TUSC2: variants seen among roughly 807,000 people sequenced by gnomAD.
TUSC2 encodes the protein tumor suppressor candidate 2.
In TUSC2, 7 loss-of-function variants were observed where a neutral mutation model predicts 11.5. The ratio of observed to expected loss-of-function variants is 0.61; its 90% CI spans 0.35 to 1.14. TUSC2 has a LOEUF of 1.14. Among genes scored for constraint, TUSC2 ranks in the 50% most tolerant of loss-of-function variants. TUSC2 has a pLI of 0.03. For missense variants in TUSC2, 132 were observed against 155.0 expected, an observed-to-expected ratio of 0.85 and a Z score of 0.79; for synonymous variants, 61 against 64.1, an observed-to-expected ratio of 0.95 and a Z score of 0.23.
chr3:50,327,929 G>T, intron 1 of TUSC2, 25 bp downstream of exon 1: 1 of 1,442,384 alleles, frequency 6.9e-7, no homozygotes, highest in East Asian at 2.8e-5. Flanking sequence ...TGTTCCCCCC[G>T]CCAGGGTGGA....
Position 50,326,127 on chromosome 3 carries a change from C to A in TUSC2, c.327G>T (p.Glu109Asp). ...TGTCTGCCACCTCCCAGGGTCACAC[C>A]TCATAGAGGATCACAGGGAAATCCA... The part of the protein sequence containing the change: ...IHVDFPVILY[E>D]V Residue 109 changes from glutamate to aspartate, a missense_variant, in exon 3 of 3, where the codon GAG becomes GAT. By Grantham distance (45) the Glu-to-Asp change is conservative. Transcript: ENST00000232496. 1 of 1,587,932 alleles carries A rather than the reference C, an allele frequency of 6.3e-7. No homozygotes were observed. Among genetic ancestry groups the A allele is most frequent in the Non-Finnish European group, 8.6e-7 (1 of 1,167,166 alleles).
At position 50,328,108 on chromosome 3, in the gene TUSC2, C is replaced by T; in HGVS notation, c.-9G>A. On this transcript the variant is annotated 5_prime_UTR_variant, in exon 1 of 3. Transcript: ENST00000232496. ...GACCCGCTGGCGCCCATGTCAGGGC[C>T]GCCGGCGCATGGCGGGCCCCGTGGC... The T allele has an allele frequency of 7.3e-7, 1 of 1,371,610 alleles. No homozygotes were observed. Among genetic ancestry groups the T allele is most frequent in the Non-Finnish European group, 9.4e-7 (1 of 1,062,692 alleles). 85.0% of individuals were successfully genotyped at this position (1,371,610 alleles called of 1,614,324 possible).
chr3:50,326,937 C>T, intron 1 of TUSC2: 1 of 330,510 alleles, frequency 3.0e-6, no homozygotes, highest in South Asian at 2.4e-5. Flanking sequence ...AATCCTTTGC[C>T]TGGGGTTTGG....
At position 50,325,439 on chromosome 3, in the gene TUSC2, G is replaced by GT. The variant is rs1296421776; in HGVS notation, c.*681_*682insA. 6.6e-6 allele frequency: 1 copy of GT among 152,476 alleles called. No homozygotes were observed. Among genetic ancestry groups the GT allele is most frequent in the Non-Finnish European group, 1.5e-5 (1 of 68,288 alleles). 9.4% of individuals were successfully genotyped at this position (152,476 alleles called of 1,614,324 possible). A position where few individuals can be genotyped will look rare whatever the true frequency, so the allele number is the denominator to read the frequency against. ...ACTCCTCAACTGGGGGTTCGGGGTTGGGGGGCAACAGTTAGTTGCAGTAGG... is the reference window on the plus strand; with the variant it reads ...ACTCCTCAACTGGGGGTTCGGGGTTGTGGGGGCAACAGTTAGTTGCAGTAGG... On this transcript the variant is annotated 3_prime_UTR_variant, in exon 3 of 3. Coordinates refer to ENST00000232496, the MANE Select transcript of TUSC2 (RefSeq NM_007275.3). This position sits in a 1 kb window ranked among gnomAD's most constrained non-coding sequence, Gnocchi z 5.1.
rs1211694283 is a variant in TUSC2, at chr3:50,325,885, G to A, written c.*236C>T. ...GCTTGCAGGGGTGGCTTGGGAGAGTGGGGTGCTAACTCTGCCATTAGCCTT... is the reference window on the plus strand; with the variant it reads ...GCTTGCAGGGGTGGCTTGGGAGAGTAGGGTGCTAACTCTGCCATTAGCCTT... On this transcript the variant is annotated 3_prime_UTR_variant, in exon 3 of 3. Transcript: ENST00000232496. This position sits in a 1 kb window ranked among gnomAD's most constrained non-coding sequence, Gnocchi z 5.1. The A allele has an allele frequency of 6.9e-6, 4 of 581,212 alleles. No individual in the cohort carries two copies. Among genetic ancestry groups the A allele is most frequent in the Non-Finnish European group, 1.2e-5 (4 of 323,346 alleles). 36.0% of individuals were successfully genotyped at this position (581,212 alleles called of 1,614,324 possible). A position where few individuals can be genotyped will look rare whatever the true frequency, so the allele number is the denominator to read the frequency against.
chr3:50,327,363 C>A, intron 1 of TUSC2: 1 of 401,392 alleles, frequency 2.5e-6, no homozygotes. Context: ...TCCAGGAGCC[C>A]ACTAGAGCCA....
rs1702782499 is a variant in TUSC2, at chr3:50,326,004, C to A, written c.*117G>T. The stretch of plus-strand genomic sequence containing the variant: ...CTCACAGCTGAAGGTTATGGGCCAA[C>A]AGAGTTTATTCAGGGTTGTGGCCCC... On this transcript the variant is annotated 3_prime_UTR_variant, in exon 3 of 3. Coordinates refer to ENST00000232496, the MANE Select transcript of TUSC2 (RefSeq NM_007275.3). The A allele has an allele frequency of 7.8e-7, 1 of 1,286,598 alleles. No homozygotes were observed. Among genetic ancestry groups the A allele is most frequent in the Non-Finnish European group, 1.1e-6 (1 of 916,312 alleles). 79.7% of individuals were successfully genotyped at this position (1,286,598 alleles called of 1,614,324 possible). A position where few individuals can be genotyped will look rare whatever the true frequency, so the allele number is the denominator to read the frequency against.
At chr3:50,326,620 TA>T (rs35159350) in intron 1 of TUSC2, 143 bp from the exon 2 acceptor site, 15 of 1,301,960 alleles carry the variant, frequency 1.2e-5, no homozygotes, top group South Asian at 1.5e-5. Flanking sequence ...ATCCTTTTTT[TA>T]AAAAAAATTT....
Position 50,328,179 on chromosome 3 carries a change from C to A in TUSC2, c.-80G>T. 7.8e-7 allele frequency: 1 copy of A among 1,287,818 alleles called. No individual in the cohort carries two copies. The highest frequency in any genetic ancestry group is 2.2e-5 in the South Asian group (1 of 44,552). 79.8% of individuals were successfully genotyped at this position (1,287,818 alleles called of 1,614,324 possible). On this transcript the variant is annotated 5_prime_UTR_variant, in exon 1 of 3. Coordinates refer to ENST00000232496, the MANE Select transcript of TUSC2 (RefSeq NM_007275.3). ...CCGCACTACCATAACCTGCCCCAGC[C>A]GCTGATCGCAGGTGCCGCCGCCGCC...
At chr3:50,326,250 T>A in intron 2 of TUSC2, 64 bp from the exon 3 acceptor site, 2 of 1,611,536 alleles carry the variant, frequency 1.2e-6, no homozygotes, top group Non-Finnish European at 1.7e-6. Flanking sequence ...AGCTTCCTTG[T>A]TCCTCCCAGA....
In TUSC2 at chr3:50,328,039, C is replaced by A; in HGVS notation, c.61G>T (p.Gly21Cys). ...LWPFASAAGG[G>C]GSEAAGAEQA... Reference sequence around the variant, plus strand: ...TCAGCTCCTGCTGCCTCTGAGCCGCCGCCTCCGGCCGCCGAGGCGAAGGGC... The same window carrying A: ...TCAGCTCCTGCTGCCTCTGAGCCGCAGCCTCCGGCCGCCGAGGCGAAGGGC... The change falls in exon 1 of 3, where the codon GGC becomes TGC. Residue 21 changes from glycine (G) to cysteine (C), a missense_variant. This residue lies in a region of TUSC2 where 17 missense variants were observed against 33.1 expected (regional missense o/e 0.51). Coordinates refer to ENST00000232496, the MANE Select transcript of TUSC2 (RefSeq NM_007275.3). 1 of 1,496,994 alleles carries A rather than the reference C, an allele frequency of 6.7e-7. No homozygotes were observed. 92.7% of individuals were successfully genotyped at this position (1,496,994 alleles called of 1,614,324 possible).
At chr3:50,326,897 C>T (rs1702795707) in intron 1 of TUSC2, 1 of 329,450 alleles carries the variant, frequency 3.0e-6, no homozygotes, top group Non-Finnish European at 6.0e-6. Context: ...GGATTACAGG[C>T]GTGAGCCACG....
In TUSC2 at chr3:50,328,219, C is replaced by G. The variant is rs587685691; in HGVS notation, c.-120G>C. ...CCGCCGCCGCCGCCTTCCGCAGGCT[C>G]GGCTGTCTCCACGGAAACCTCACTT... is the stretch of plus-strand genomic sequence containing the variant. On this transcript the variant is annotated 5_prime_UTR_variant, in exon 1 of 3. Transcript: ENST00000232496. The G allele has an allele frequency of 1.1e-4, 133 of 1,197,518 alleles. No homozygotes were observed. In the African/African-American group the frequency reaches 2.0e-3, roughly 18 times the overall value. The allele number at this position is 1,197,518 out of a possible 1,614,324, so 74.2% of individuals were successfully genotyped here.
chr3:50,327,244 A>C, intron 1 of TUSC2: 1 of 456,688 alleles, frequency 2.2e-6, no homozygotes, highest in South Asian at 1.5e-5. Context: ...AGCACAAAGG[A>C]ATGAAGGCTG....
At position 50,326,181 on chromosome 3, in the gene TUSC2, G is replaced by A. The variant is rs782274768; in HGVS notation, c.273C>T (p.Ile91=). The change falls in exon 3 of 3, where the codon ATC becomes ATT. Residue 91 remains isoleucine, a synonymous_variant. Transcript: ENST00000232496. ...RVHKNLIPQG[I]VKLDHPRIHV... is the part of the protein sequence containing the mutation. ...GGATGCGGGGGTGATCCAGCTTCAC[G>A]ATGCCCTGCCATGGAAACAGAGGCT... 2.2e-5 allele frequency: 36 copies of A among 1,601,934 alleles called. No homozygotes were observed. Among genetic ancestry groups the A allele is most frequent in the Non-Finnish European group, 2.6e-5 (30 of 1,174,378 alleles).
Position 50,326,169 on chromosome 3 carries a change from A to G in TUSC2, c.285T>C (p.Asp95=). 1 of 1,600,548 alleles carries G rather than the reference A, an allele frequency of 6.2e-7. No individual in the cohort carries two copies. The highest frequency in any genetic ancestry group is 8.5e-7 in the Non-Finnish European group (1 of 1,173,774). The change falls in exon 3 of 3, where the codon GAT becomes GAC. Residue 95 remains aspartate (D), a synonymous_variant. Coordinates refer to ENST00000232496, the MANE Select transcript of TUSC2 (RefSeq NM_007275.3). ...NLIPQGIVKL[D]HPRIHVDFPV... is the part of the protein sequence containing the mutation. ...GGAAATCCACGTGGATGCGGGGGTG[A>G]TCCAGCTTCACGATGCCCTGCCATG...
At position 50,326,402 on chromosome 3, in the gene TUSC2, C is replaced by T. The variant is rs368312316; in HGVS notation, c.222G>A (p.Gln74=). The T allele has an allele frequency of 2.5e-5, 41 of 1,613,906 alleles. No individual in the cohort carries two copies. The African/African-American group carries it at 3.9e-4, about 15-fold the overall frequency. The change falls in exon 2 of 3, where the codon CAG becomes CAA. Residue 74 remains glutamine (Q), a synonymous_variant. Coordinates refer to ENST00000232496, the MANE Select transcript of TUSC2 (RefSeq NM_007275.3). ...YEETIVTKNG[Q]KRAKLRRVHK... Reference sequence around the variant, plus strand: ...GCACTCGCCTCAGCTTGGCCCGCTTCTGCCCGTTCTTGGTGACGATTGTCT... The same window carrying T: ...GCACTCGCCTCAGCTTGGCCCGCTTTTGCCCGTTCTTGGTGACGATTGTCT...
chr3:50,326,679 G>A (rs371137288), intron 1 of TUSC2, among the ~76,000 whole-genome samples: 46 of 152,138 alleles, frequency 3.0e-4, no homozygotes, highest in African/African-American at 8.9e-4. Flanking sequence ...GTGCAGTGGC[G>A]CGATCTCAGC....
chr3:50,326,354 C>T lies in TUSC2; in HGVS notation c.267+3G>A. The T allele has an allele frequency of 6.2e-7, 1 of 1,613,928 alleles. No homozygotes were observed. The highest frequency in any genetic ancestry group is 8.5e-7 in the Non-Finnish European group (1 of 1,179,984). ...GCTCTGTGACCGCTGCCCAGCCCCT[C>T]ACCTGAGGAATCAGATTCTTATGCA... On this transcript the variant is annotated splice_donor_region_variant and intron_variant, in intron 2 of 2. Transcript: ENST00000232496.
Sources: allele counts gnomAD v4.1 joint callset (sites outside exome capture counted in the v4.1 genomes callset), GRCh38; gene constraint gnomAD v4.1.1; regional missense constraint gnomAD v4.1.1; non-coding constraint Gnocchi (gnomAD v3.1); transcripts MANE v1.5; gene names NCBI Gene and HGNC (gene_info 2026-07-23, HGNC 2026-07-21).